Variants in CCL26 observed in about 807,000 individuals in gnomAD.
The protein encoded by CCL26 is C-C motif chemokine ligand 26, also known as C-C motif chemokine 26.
In CCL26, 10 loss-of-function variants were observed where a neutral mutation model predicts 10.7. That is an observed-to-expected ratio of 0.93 (90% CI 0.57 to 1.58). CCL26 has a LOEUF of 1.58. Ranked by LOEUF, CCL26 falls within the 40% of genes most tolerant of loss-of-function variation. The probability of loss-of-function intolerance (pLI) is 0.00; values close to 1 mark genes in which losing one functional copy is unlikely to be tolerated. For missense variants in CCL26, 116 were observed against 111.0 expected (o/e 1.05, Z -0.20); for synonymous variants, 43 against 41.4 (o/e 1.04, Z -0.15).
chr7:75,772,534 G>C (rs1053582147), upstream of CCL26, among the ~76,000 whole-genome samples: 5 of 151,994 alleles, frequency 3.3e-5, no homozygotes, highest in Admixed American at 2.6e-4. Context: ...GCAGGCAACT[G>C]TAATCCCAGC....
At chr7:75,776,556 G>C (rs1554528731), upstream of CCL26, among the ~76,000 whole-genome samples, 1 of 145,806 alleles carries the variant, frequency 6.9e-6, no homozygotes, top group Non-Finnish European at 1.5e-5. Flanking sequence ...AAGGAAGGAA[G>C]GAAGGAAGGA....
intron 1 of CCL26, among the ~76,000 whole-genome samples, chr7:75,782,583 T>C (rs1554529566): frequency 2.0e-5 from 3 of 152,082 alleles, no homozygotes; most frequent in African/African-American, 4.8e-5. Flanking sequence ...TAAAACCTCT[T>C]CAACTCTCAC....
In CCL26 at chr7:75,769,795, A is replaced by G; in HGVS notation, c.189-6T>C. 6.4e-7 allele frequency: 1 copy of G among 1,555,354 alleles called. No individual in the cohort carries two copies. On this transcript the variant is annotated splice_polypyrimidine_tract_variant and splice_region_variant and intron_variant, in intron 2 of 2. Transcript: ENST00000005180. Reference sequence around the variant, plus strand: ...TGCCTCTTTTGGTAGTGAATCTGTGAAAAAGAGACACGGATAAGTCAATAT... The same window carrying G: ...TGCCTCTTTTGGTAGTGAATCTGTGGAAAAGAGACACGGATAAGTCAATAT...
At chr7:75,777,251 C>G (rs1388417497) in intron 1 of CCL26, among the ~76,000 whole-genome samples, 1 of 151,940 alleles carries the variant, frequency 6.6e-6, no homozygotes, top group Non-Finnish European at 1.5e-5. Flanking sequence ...AAAACAAAAA[C>G]GTGTTCCTAT....
chr7:75,783,212 C>T (rs191455800), intron 1 of CCL26, among the ~76,000 whole-genome samples: 9 of 152,248 alleles, frequency 5.9e-5, no homozygotes, highest in Non-Finnish European at 8.8e-5. Context: ...ACAGGAATTC[C>T]GATATCTAAC....
upstream of CCL26, among the ~76,000 whole-genome samples, chr7:75,775,999 G>A (rs1411026621): frequency 6.7e-6 from 1 of 148,974 alleles, no homozygotes; most frequent in African/African-American, 2.5e-5. Flanking sequence ...AGAGCCCACT[G>A]TAATCCAGTA....
At chr7:75,777,574 T>A (rs1381989089) in intron 1 of CCL26, among the ~76,000 whole-genome samples, 2 of 151,672 alleles carry the variant, frequency 1.3e-5, no homozygotes, top group Non-Finnish European at 2.9e-5. Flanking sequence ...ATAGCAAGAC[T>A]CCATCTCTAC....
chr7:75,781,304 A>G (rs1389643654), intron 1 of CCL26, among the ~76,000 whole-genome samples: 1 of 152,234 alleles, frequency 6.6e-6, no homozygotes, highest in Non-Finnish European at 1.5e-5. Flanking sequence ...CTGAGTTGCA[A>G]TTCCTTGCCT....
chr7:75,787,574 T>G (rs1462994219), intron 1 of CCL26, among the ~76,000 whole-genome samples: 1 of 141,716 alleles, frequency 7.1e-6, no homozygotes, highest in Non-Finnish European at 1.5e-5. Flanking sequence ...GAACCTGGGA[T>G]GTGGAGCTTG....
intron 1 of CCL26, among the ~76,000 whole-genome samples, chr7:75,784,812 A>G (rs111919198): frequency 6.6e-6 from 1 of 151,424 alleles, no homozygotes; most frequent in East Asian, 1.9e-4. Context: ...CCCACCTTAA[A>G]CCACAAGTAT....
intron 1 of CCL26, among the ~76,000 whole-genome samples, chr7:75,777,293 T>C (rs1244607663): frequency 6.6e-6 from 1 of 152,138 alleles, no homozygotes; most frequent in African/African-American, 2.4e-5. Context: ...AGAATATTCA[T>C]AGCAGCATTA....
chr7:75,786,310 G>A (rs1402183057), intron 1 of CCL26, among the ~76,000 whole-genome samples: 2 of 151,966 alleles, frequency 1.3e-5, no homozygotes, highest in Non-Finnish European at 2.9e-5. Context: ...AGGCCTGATC[G>A]CCACTCACCA....
At chr7:75,790,167 C>CT, upstream of CCL26, among the ~76,000 whole-genome samples, 1 of 54,382 alleles carries the variant, frequency 1.8e-5, no homozygotes, top group East Asian at 1.0e-3. Context: ...CCCTTCCTTC[C>CT]TTCCTTCCTT....
chr7:75,787,742 C>A (rs1254427185), intron 1 of CCL26, among the ~76,000 whole-genome samples: 2 of 150,642 alleles, frequency 1.3e-5, no homozygotes, highest in African/African-American at 4.9e-5. Flanking sequence ...AAAAACAGAG[C>A]CCAAAAACTC....
intron 1 of CCL26, among the ~76,000 whole-genome samples, chr7:75,780,078 G>T (rs1300559422): frequency 7.6e-6 from 1 of 131,514 alleles, no homozygotes; most frequent in Non-Finnish European, 1.6e-5. Context: ...CCACTTTTCT[G>T]GGGGGCAAGC....
chr7:75,787,651 CA>C (rs55770109), intron 1 of CCL26, among the ~76,000 whole-genome samples: 713 of 27,688 alleles, frequency 0.026, 1 homozygote, highest in Non-Finnish European at 0.031. Flanking sequence ...TCTCCAAAAG[CA>C]AAAAAAAAAA....
At chr7:75,774,579 A>G (rs1021762370), upstream of CCL26, among the ~76,000 whole-genome samples, 1 of 151,550 alleles carries the variant, frequency 6.6e-6, no homozygotes, top group Non-Finnish European at 1.5e-5. Context: ...CTGAGTAGCT[A>G]GGATTACAGG....
intron 1 of CCL26, among the ~76,000 whole-genome samples, chr7:75,777,968 C>T (rs1386555826): frequency 6.6e-6 from 1 of 151,930 alleles, no homozygotes; most frequent in Non-Finnish European, 1.5e-5. Flanking sequence ...GATTCACCCG[C>T]CTCGGCCTCC....
chr7:75,772,237 T>C (rs1317925410), upstream of CCL26: 1 of 1,256,046 alleles, frequency 8.0e-7, no homozygotes, highest in Non-Finnish European at 1.1e-6. Context: ...GATCCCCTTT[T>C]ATGAGACTGA....
Sources: gnomAD v4.1 joint callset for allele counts (sites outside exome capture counted in the v4.1 genomes callset) on GRCh38, gnomAD v4.1.1 for gene constraint, MANE v1.5 for transcripts, NCBI Gene and HGNC (gene_info 2026-07-23, HGNC 2026-07-21) for gene names.